The following CPED1 variants were observed in gnomAD, a reference collection of about 807,000 sequenced individuals.
CPED1 encodes the protein cadherin-like and PC-esterase domain-containing protein 1.
A neutral mutation model predicts 128.2 loss-of-function variants in CPED1; 114 were observed. The observed-to-expected ratio is 0.89, with a 90% confidence interval of 0.76 to 1.04. The LOEUF (loss-of-function observed/expected upper bound fraction) is 1.04, where lower values mean the gene tolerates loss of function less well. CPED1 is among the 50% of genes least tolerant of loss of function. The pLI is 0.00. For synonymous variants in CPED1, 462 were observed against 426.7 expected, an observed-to-expected ratio of 1.08 and a Z score of -1.02; for missense variants, 1,211 against 1,207.1, an observed-to-expected ratio of 1.00 and a Z score of -0.05.
chr7:121,165,177 ATATC>A (rs1244463556), intron 16 of CPED1, among the ~76,000 whole-genome samples: 1 of 152,220 alleles, frequency 6.6e-6, no homozygotes, highest in Non-Finnish European at 1.5e-5. Context: ...AGGAAAAGTA[ATATC>A]AAGCATCAGA....
chr7:121,014,889 A>G (rs934741553), intron 2 of CPED1, among the ~76,000 whole-genome samples: 3 of 152,190 alleles, frequency 2.0e-5, no homozygotes, highest in Non-Finnish European at 4.4e-5. Context: ...ACTGAGGTTT[A>G]ATCTCAAGTT....
At chr7:121,279,891 C>G (rs1278189401) in intron 22 of CPED1, among the ~76,000 whole-genome samples, 1 of 152,140 alleles carries the variant, frequency 6.6e-6, no homozygotes. Flanking sequence ...CCCTAGACCT[C>G]CTAGCATTCC....
chr7:121,209,778 C>T (rs941610895), intron 16 of CPED1, among the ~76,000 whole-genome samples: 1 of 151,946 alleles, frequency 6.6e-6, no homozygotes, highest in Non-Finnish European at 1.5e-5. Flanking sequence ...TTAAAAGCTT[C>T]TGCACAACAA....
intron 12 of CPED1, 86 bp from the exon 13 acceptor site, chr7:121,133,737 C>A: frequency 1.1e-6 from 1 of 892,422 alleles, no homozygotes; most frequent in Admixed American, 2.4e-5. Context: ...TGTGCCCATA[C>A]AGAAGAAAAG....
intron 2 of CPED1, among the ~76,000 whole-genome samples, chr7:120,996,299 G>A (rs981843317): frequency 1.3e-5 from 2 of 151,672 alleles, no homozygotes; most frequent in African/African-American, 4.9e-5. Context: ...AAAAAGAAAA[G>A]GGAATTATCC....
chr7:121,040,241 G>A (rs946751347), intron 3 of CPED1, among the ~76,000 whole-genome samples: 8 of 152,054 alleles, frequency 5.3e-5, no homozygotes, highest in Non-Finnish European at 8.8e-5. Flanking sequence ...TCAAGCTTCC[G>A]TACATACGAT....
At chr7:121,110,072 G>A (rs771613301) in intron 7 of CPED1, among the ~76,000 whole-genome samples, 1 of 152,108 alleles carries the variant, frequency 6.6e-6, no homozygotes, top group Non-Finnish European at 1.5e-5. Context: ...TCTGGGGATC[G>A]GTGTGCAGTA....
intron 7 of CPED1, among the ~76,000 whole-genome samples, chr7:121,117,560 C>A (rs1795285253): frequency 6.6e-6 from 1 of 151,484 alleles, no homozygotes; most frequent in African/African-American, 2.4e-5. Flanking sequence ...CTTCCTTTTC[C>A]AAGGGTCCAG....
rs545615272 is a variant in CPED1 at position 121,024,140 on chromosome 7, G to A, written c.433+8292G>A. Among the ~76,000 whole-genome samples, 5 of 152,248 alleles carry A rather than the reference G, an allele frequency of 3.3e-5. No homozygotes were observed. The East Asian group carries it at 9.7e-4, about 29-fold the overall frequency. On this transcript the variant is annotated intron_variant, in intron 3 of 22. Transcript: ENST00000310396. ...CCTCAGTGCTTATAGATTTACTGATGTATTTACGACCAAACAGAATTCGTT... is the reference window on the plus strand; with the variant it reads ...CCTCAGTGCTTATAGATTTACTGATATATTTACGACCAAACAGAATTCGTT...
At chr7:121,044,467 A>G (rs1299390839) in intron 3 of CPED1, among the ~76,000 whole-genome samples, 5 of 152,010 alleles carry the variant, frequency 3.3e-5, no homozygotes, top group African/African-American at 4.8e-5. Context: ...AGATTTGTGG[A>G]CTATACAGTA....
At chr7:121,080,113 T>C (rs766248455) in intron 5 of CPED1, among the ~76,000 whole-genome samples, 2 of 152,184 alleles carry the variant, frequency 1.3e-5, no homozygotes, top group Non-Finnish European at 2.9e-5. Flanking sequence ...GCAATTGATA[T>C]TGGATTTCTT....
intron 18 of CPED1, among the ~76,000 whole-genome samples, chr7:121,247,722 A>G (rs1274589965): frequency 6.6e-6 from 1 of 152,138 alleles, no homozygotes; most frequent in Admixed American, 6.5e-5. Flanking sequence ...ATCTGTCCAG[A>G]GAGTAGACAT....
At chr7:121,127,577 C>T (rs1795537500) in intron 10 of CPED1, among the ~76,000 whole-genome samples, 1 of 148,678 alleles carries the variant, frequency 6.7e-6, no homozygotes, top group Non-Finnish European at 1.5e-5. Context: ...GCTCTGTCAC[C>T]CAGGCAGGAG....
At chr7:121,045,325 A>G (rs1402046047) in intron 3 of CPED1, among the ~76,000 whole-genome samples, 9 of 152,198 alleles carry the variant, frequency 5.9e-5, no homozygotes, top group Non-Finnish European at 1.0e-4. Context: ...GAGAAGTTCT[A>G]GGATAAGAGC....
chr7:121,188,820 T>A (rs1337041992), intron 16 of CPED1, among the ~76,000 whole-genome samples: 2 of 152,074 alleles, frequency 1.3e-5, no homozygotes, highest in South Asian at 2.1e-4. Context: ...TCAAGTGTGA[T>A]TGAGGCTCAG....
chr7:121,247,756 A>C (rs1430769036), intron 18 of CPED1, among the ~76,000 whole-genome samples: 1 of 152,126 alleles, frequency 6.6e-6, no homozygotes, highest in Non-Finnish European at 1.5e-5. Context: ...GCCAGTGCAG[A>C]AACAGGGGCC....
At chr7:120,993,755 T>C (rs2116732514) in intron 2 of CPED1, 1 of 154,892 alleles carries the variant, frequency 6.5e-6, no homozygotes, top group East Asian at 1.9e-4. Context: ...GAGTACATTA[T>C]TGCAAGTCAT....
chr7:121,038,613 A>G (rs1733028087), intron 3 of CPED1, among the ~76,000 whole-genome samples: 1 of 151,964 alleles, frequency 6.6e-6, no homozygotes, highest in African/African-American at 2.4e-5. Flanking sequence ...ACTGAAGTCC[A>G]TACTTTGTTC....
intron 3 of CPED1, among the ~76,000 whole-genome samples, chr7:121,032,864 C>A (rs1792772614): frequency 6.6e-6 from 1 of 152,128 alleles, no homozygotes; most frequent in Admixed American, 6.5e-5. Context: ...TCTGATATAT[C>A]CTTGGCTGCT....
Sources: allele counts gnomAD v4.1 joint callset (sites outside exome capture counted in the v4.1 genomes callset), GRCh38; gene constraint gnomAD v4.1.1; transcripts MANE v1.5; gene names NCBI Gene and HGNC (gene_info 2026-07-23, HGNC 2026-07-21).